The following FLT4 variants were observed in gnomAD, a reference collection of about 807,000 sequenced individuals.
The protein encoded by FLT4 is vascular endothelial growth factor receptor 3.
A neutral mutation model predicts 163.2 loss-of-function variants in FLT4; 30 were observed. That is an observed-to-expected ratio of 0.18 (90% CI 0.14 to 0.25). The LOEUF is 0.25. Among genes scored for constraint, FLT4 ranks in the 10% least tolerant of loss-of-function variants. The pLI, the probability that FLT4 is intolerant of heterozygous loss-of-function variation, is 1.00. For missense variants in FLT4, 1,510 were observed against 1,863.8 expected (o/e 0.81, Z 3.50); for synonymous variants, 884 against 789.5 (o/e 1.12, Z -2.01).
intron 1 of FLT4, among the ~76,000 whole-genome samples, chr5:180,646,698 C>T (rs908897948): frequency 6.6e-6 from 1 of 152,194 alleles, no homozygotes; most frequent in African/African-American, 2.4e-5. Context: ...TGCGATGGGG[C>T]CAGGTCCAAG....
chr5:180,608,538 G>A (rs937606576), intron 29 of FLT4, among the ~76,000 whole-genome samples: 1 of 152,056 alleles, frequency 6.6e-6, no homozygotes, highest in African/African-American at 2.4e-5. Flanking sequence ...GAGAACACCC[G>A]CTAAGCCCCA....
chr5:180,622,925 ACCAC>A (rs1561722735), intron 11 of FLT4, 86 bp from the exon 12 acceptor site: 10 of 577,926 alleles, frequency 1.7e-5, no homozygotes, highest in African/African-American at 1.1e-4. Flanking sequence ...GTCGCTGTGC[ACCAC>A]CCCCCCCAAT....
chr5:180,604,973 T>TC (rs1761711028), intron 29 of FLT4, among the ~76,000 whole-genome samples: 1 of 152,184 alleles, frequency 6.6e-6, no homozygotes, highest in African/African-American at 2.4e-5. Flanking sequence ...CGGGTTTTTT[T>TC]CCCCCAAAAT....
intron 29 of FLT4, among the ~76,000 whole-genome samples, chr5:180,608,513 A>G (rs112777314): frequency 0.02 from 3,108 of 152,128 alleles, 69 homozygotes; most frequent in African/African-American, 0.05. Flanking sequence ...ACGATCTCTT[A>G]TCTCCACACA....
In FLT4 at chr5:180,624,128, G is replaced by A. The variant is rs1348071959; in HGVS notation, c.1422-67C>T. ...GCAGGAAGGGCCCACATGGGGGGCG[G>A]GGTCAAGCCCTTGTCATATCCAGTC... On this transcript the variant is annotated intron_variant, in intron 10 of 29. Coordinates refer to ENST00000261937, the MANE Select transcript of FLT4 (RefSeq NM_182925.5). 13 of 1,586,954 alleles carry A rather than the reference G, an allele frequency of 8.2e-6. No individual in the cohort carries two copies. In the Admixed American group the frequency reaches 2.2e-4, roughly 27 times the overall value.
At chr5:180,621,420 G>A (rs1581650728) in intron 13 of FLT4, 122 bp downstream of exon 13, 2 of 1,456,094 alleles carry the variant, frequency 1.4e-6, no homozygotes, top group Non-Finnish European at 1.9e-6. Flanking sequence ...AGTCAGGAGG[G>A]GTAGCTCCTG....
intron 26 of FLT4, chr5:180,611,773 C>T: frequency 1.9e-6 from 1 of 521,752 alleles, no homozygotes; most frequent in African/African-American, 1.9e-5. Context: ...GCCATCAAGA[C>T]AGATAAGGGG....
Position 180,630,863 on chromosome 5 carries a change from G to C in FLT4, c.156-64C>G, listed in dbSNP as rs1764064458. On this transcript the variant is annotated intron_variant, in intron 2 of 29. Transcript: ENST00000261937. The surrounding 1 kb of genome is among the most constrained non-coding windows in gnomAD (Gnocchi z 6.3). ...AGCCCATGGGGACTGTCCCTGAGAA[G>C]CCTCCCTCAGGCCGAGCCTCACCAG... 1.1e-5 allele frequency: 17 copies of C among 1,519,394 alleles called. No homozygotes were observed. In the Admixed American group the frequency reaches 2.2e-4, roughly 19 times the overall value. 94.1% of individuals were successfully genotyped at this position (1,519,394 alleles called of 1,614,324 possible). A position where few individuals can be genotyped will look rare whatever the true frequency, so the allele number is the denominator to read the frequency against.
chr5:180,629,151 G>C, intron 7 of FLT4, 108 bp downstream of exon 7: 3 of 1,494,004 alleles, frequency 2.0e-6, no homozygotes, highest in Non-Finnish European at 2.8e-6. Context: ...CAGCTCCTCT[G>C]CTCGTGGCCC....
At chr5:180,613,921 C>G in intron 24 of FLT4, 147 bp downstream of exon 24, 1 of 710,520 alleles carries the variant, frequency 1.4e-6, no homozygotes, top group South Asian at 1.5e-5. Context: ...AGGTGGGGGG[C>G]CCTTGGTGGC....
In FLT4 at chr5:180,614,241, G is replaced by A. The variant is rs55713910; in HGVS notation, c.3220-62C>T. ...GGGGAGACGGAGGGAAGCGTGTCCC[G>A]TGGTGGATGGGGAGACGGAGGGAAG... On this transcript the variant is annotated intron_variant, in intron 23 of 29. Transcript: ENST00000261937. 51 of 1,146,894 alleles carry A rather than the reference G, an allele frequency of 4.4e-5. No individual in the cohort carries two copies. In the African/African-American group the frequency reaches 6.0e-4, roughly 14 times the overall value. 71.0% of individuals were successfully genotyped at this position (1,146,894 alleles called of 1,614,324 possible). A position where few individuals can be genotyped will look rare whatever the true frequency, so the allele number is the denominator to read the frequency against.
chr5:180,647,416 A>ACT lies in FLT4; in HGVS notation c.58+2071_58+2072insAG, dbSNP rs1160600792. Among the ~76,000 whole-genome samples the ACT allele has an allele frequency of 3.3e-5, 5 of 151,468 alleles. No individual in the cohort carries two copies. In the East Asian group the frequency reaches 9.7e-4, roughly 29 times the overall value. The stretch of plus-strand genomic sequence containing the variant: ...GGGGAAACTGAGGTGCAGGGAGGGG[A>ACT]AAGGAGGGGGCCCAGGTCACACAGA... On this transcript the variant is annotated intron_variant, in intron 1 of 29. Coordinates refer to ENST00000261937, the MANE Select transcript of FLT4 (RefSeq NM_182925.5).
At chr5:180,634,819 TGGGTGGGTGGGA>T (rs1764436116) in intron 1 of FLT4, among the ~76,000 whole-genome samples, 1 of 58,274 alleles carries the variant, frequency 1.7e-5, no homozygotes, top group African/African-American at 9.3e-5. Context: ...GATGGGTGGG[TGGGTGGGTGGGA>T]GGATGGATGC....
At position 180,645,421 on chromosome 5, in the gene FLT4, G is replaced by C. The variant is rs1026412778; in HGVS notation, c.58+4067C>G. Among the ~76,000 whole-genome samples, 6 of 152,236 alleles carry C rather than the reference G, an allele frequency of 3.9e-5. No homozygotes were observed. The East Asian group carries it at 1.2e-3, about 29-fold the overall frequency. ...CTTGCTGGCCGGCAGGACGAGCGGC[G>C]TTATCAGACAACCCAGCTGGCGCAG... is the stretch of plus-strand genomic sequence containing the variant. On this transcript the variant is annotated intron_variant, in intron 1 of 29. Coordinates refer to ENST00000261937, the MANE Select transcript of FLT4 (RefSeq NM_182925.5).
At chr5:180,622,184 C>T (rs961924507) in intron 12 of FLT4, among the ~76,000 whole-genome samples, 1 of 152,132 alleles carries the variant, frequency 6.6e-6, no homozygotes. Context: ...TGCCGTGCGC[C>T]CACTTCCTCT....
At chr5:180,609,386 G>T (rs1762002552) in intron 28 of FLT4, 2 of 460,322 alleles carry the variant, frequency 4.3e-6, no homozygotes, top group South Asian at 4.9e-5. Flanking sequence ...CTGGCAGCTC[G>T]TAGTTCAAAA....
At position 180,611,764 on chromosome 5, in the gene FLT4, C is replaced by G. The variant is rs561346124; in HGVS notation, c.3538-285G>C. ...CATGCCAGAAACCAGCACATCTCAG[C>G]CATCAAGACAGATAAGGGGTCAAGG... On this transcript the variant is annotated intron_variant, in intron 26 of 29. Coordinates refer to ENST00000261937, the MANE Select transcript of FLT4 (RefSeq NM_182925.5). 4 of 539,414 alleles carry G rather than the reference C, an allele frequency of 7.4e-6. No individual in the cohort carries two copies. The African/African-American group carries it at 7.6e-5, about 10-fold the overall frequency. 33.4% of individuals were successfully genotyped at this position (539,414 alleles called of 1,614,324 possible). A position where few individuals can be genotyped will look rare whatever the true frequency, so the allele number is the denominator to read the frequency against.
rs979964856 is a variant in FLT4, at chr5:180,616,987, G to A, written c.3009C>T (p.Asp1003=). ...RRASPDQEAE[D]LWLSPLTMED... is the part of the protein sequence containing the mutation. ...CCATGGTCAGCGGGCTCAGCCACAG[G>A]TCCTCAGCTACACAGTGGAGCCAGG... Residue 1003 remains aspartate (D), a synonymous_variant, in exon 22 of 30, where the codon GAC becomes GAT. Transcript: ENST00000261937. 10 of 1,612,926 alleles carry A rather than the reference G, an allele frequency of 6.2e-6. No individual in the cohort carries two copies. Among genetic ancestry groups the A allele is most frequent in the Middle Eastern group, 1.7e-4 (1 of 6,060 alleles).
Position 180,619,673 on chromosome 5 carries a change from A to G in FLT4, c.2639T>C (p.Met880Thr), listed in dbSNP as rs1762973155. Reference sequence around the variant, plus strand: ...GCCCGCTGACCCCACACCTTTCAGCATTTTCACGGCCACGGTGTCACAGCT... The same window carrying G: ...GCCCGCTGACCCCACACCTTTCAGCGTTTTCACGGCCACGGTGTCACAGCT... Reference protein sequence around the residue: ...GSSCDTVAVKMLKEGATASEH... With the variant: ...GSSCDTVAVKTLKEGATASEH... Residue 880 changes from methionine to threonine, a missense_variant, in exon 18 of 30, where the codon ATG becomes ACG. Coordinates refer to ENST00000261937, the MANE Select transcript of FLT4 (RefSeq NM_182925.5). 2.5e-6 allele frequency: 4 copies of G among 1,612,330 alleles called. No individual in the cohort carries two copies. Among genetic ancestry groups the G allele is most frequent in the Non-Finnish European group, 3.4e-6 (4 of 1,179,630 alleles).
Sources: allele counts gnomAD v4.1 joint callset (sites outside exome capture counted in the v4.1 genomes callset), GRCh38; gene constraint gnomAD v4.1.1; non-coding constraint Gnocchi (gnomAD v3.1); transcripts MANE v1.5; gene names NCBI Gene and HGNC (gene_info 2026-07-23, HGNC 2026-07-21).